SNX8: variants seen among roughly 807,000 people sequenced by gnomAD.
SNX8 encodes sorting nexin 8.
In SNX8, 25 loss-of-function variants were observed where a neutral mutation model predicts 51.6. The ratio of observed to expected loss-of-function variants is 0.48; its 90% CI spans 0.35 to 0.68. The LOEUF is 0.68. Among genes scored for constraint, SNX8 ranks in the 30% least tolerant of loss-of-function variants. The pLI, the probability that SNX8 is intolerant of heterozygous loss-of-function variation, is 0.00. For missense variants in SNX8, 695 were observed against 624.0 expected, an observed-to-expected ratio of 1.11 and a Z score of -1.21; for synonymous variants, 324 against 277.0, an observed-to-expected ratio of 1.17 and a Z score of -1.68.
chr7:2,323,537 A>T (rs1778572398), intron 1 of SNX8, among the ~76,000 whole-genome samples: 1 of 152,122 alleles, frequency 6.6e-6, no homozygotes, highest in South Asian at 2.1e-4. Context: ...CCAGGATCAC[A>T]GAGCGGCCAC....
chr7:2,321,316 T>C (rs1181162372), intron 1 of SNX8, among the ~76,000 whole-genome samples: 1 of 152,194 alleles, frequency 6.6e-6, no homozygotes, highest in East Asian at 1.9e-4. Flanking sequence ...ATCCCTCTAG[T>C]GTTTGGAGAG....
chr7:2,353,132 TAAAG>T (rs1289451727), intron 1 of SNX8, among the ~76,000 whole-genome samples: 1 of 152,000 alleles, frequency 6.6e-6, no homozygotes, highest in African/African-American at 2.4e-5. Flanking sequence ...TATCTACAAA[TAAAG>T]AAATTAGCTG....
intron 3 of SNX8, among the ~76,000 whole-genome samples, chr7:2,272,454 T>C (rs1289761150): frequency 6.7e-6 from 1 of 150,332 alleles, no homozygotes; most frequent in Non-Finnish European, 1.5e-5. Context: ...GGCTCACTGC[T>C]ACCTCCGCCT....
intron 4 of SNX8, among the ~76,000 whole-genome samples, chr7:2,270,915 G>C (rs561100062): frequency 1.3e-5 from 2 of 152,096 alleles, no homozygotes; most frequent in South Asian, 4.2e-4. Flanking sequence ...TATTCCAGTG[G>C]AGCCCCCGCC....
In SNX8 at chr7:2,314,418, T is replaced by A. The variant is rs1161676529; in HGVS notation, c.4A>T (p.Thr2Ser). 1 of 1,215,924 alleles carries A rather than the reference T, an allele frequency of 8.2e-7. No homozygotes were observed. The highest frequency in any genetic ancestry group is 1.6e-5 in the African/African-American group (1 of 63,742). The allele number at this position is 1,215,924 out of a possible 1,614,324, so 75.3% of individuals were successfully genotyped here. The change falls in exon 1 of 11, where the codon ACT becomes TCT. Residue 2 changes from threonine to serine, a missense_variant. Physicochemically the swap from Thr to Ser is moderately conservative, Grantham distance 58. Transcript: ENST00000222990. M[T>S]GRAMDPLPAA... is the part of the protein sequence containing the mutation. ...GGCAGCGGGTCCATCGCGCGGCCAG[T>A]CATGTGAGCCCGCGCTCCCACGTGA...
chr7:2,339,436 C>T (rs1041028660), intron 1 of SNX8, among the ~76,000 whole-genome samples: 3 of 151,204 alleles, frequency 2.0e-5, no homozygotes, highest in Admixed American at 6.6e-5. Context: ...GTCTCGATCT[C>T]CTGACCTCAT....
intron 7 of SNX8, among the ~76,000 whole-genome samples, chr7:2,261,091 T>C (rs1267494059): frequency 6.6e-6 from 1 of 152,196 alleles, no homozygotes; most frequent in Non-Finnish European, 1.5e-5. Flanking sequence ...AGAATGGCTT[T>C]TATGCTTTGC....
intron 1 of SNX8, among the ~76,000 whole-genome samples, chr7:2,346,270 T>C (rs1378436221): frequency 1.5e-5 from 1 of 68,218 alleles, no homozygotes; most frequent in African/African-American, 6.1e-5. Flanking sequence ...AGTGAGACCC[T>C]GGTCTCTACA....
At chr7:2,288,084 C>T (rs7784669) in intron 1 of SNX8, 3,125 of 152,076 alleles carry the variant, frequency 0.021, 116 homozygotes, top group African/African-American at 0.071. Flanking sequence ...GGCTCACGCC[C>T]GTAATCCCAA....
At chr7:2,292,643 C>A (rs1796179055) in intron 1 of SNX8, among the ~76,000 whole-genome samples, 1 of 152,056 alleles carries the variant, frequency 6.6e-6, no homozygotes, top group Non-Finnish European at 1.5e-5. Flanking sequence ...AATCTCCTGA[C>A]CTCATGATCC....
chr7:2,281,691 G>T (rs1019761380), intron 1 of SNX8, among the ~76,000 whole-genome samples: 1 of 152,170 alleles, frequency 6.6e-6, no homozygotes, highest in Non-Finnish European at 1.5e-5. Context: ...AGGGAGGCCA[G>T]CTTGGCCCCC....
intron 1 of SNX8, among the ~76,000 whole-genome samples, chr7:2,324,580 T>G (rs1472392793): frequency 2.6e-5 from 4 of 152,012 alleles, no homozygotes. Context: ...AGTGAGCCAC[T>G]GTGACTGACC....
intron 1 of SNX8, among the ~76,000 whole-genome samples, chr7:2,281,981 C>T (rs1415417068): frequency 6.6e-6 from 1 of 152,152 alleles, no homozygotes; most frequent in South Asian, 2.1e-4. Context: ...GCTTCAGACC[C>T]AACCCGGAAC....
rs1050811408 is a variant in SNX8 at position 2,311,885 on chromosome 7, C to T, written c.94+2443G>A. Among the ~76,000 whole-genome samples the T allele has an allele frequency of 2.7e-5, 4 of 150,522 alleles. No homozygotes were observed. In the South Asian group the frequency reaches 8.4e-4, roughly 32 times the overall value. On this transcript the variant is annotated intron_variant, in intron 1 of 10. Coordinates refer to ENST00000222990, the MANE Select transcript of SNX8 (RefSeq NM_013321.4). Reference sequence around the variant, plus strand: ...CCGGGAGGCAGAGCTTGCAGTGAGCCGAGATCACACCACTGCACTCCAGCC... The same window carrying T: ...CCGGGAGGCAGAGCTTGCAGTGAGCTGAGATCACACCACTGCACTCCAGCC...
At chr7:2,277,974 C>A in intron 2 of SNX8, 126 bp downstream of exon 2, 4 of 1,430,152 alleles carry the variant, frequency 2.8e-6, no homozygotes, top group Non-Finnish European at 3.7e-6. Flanking sequence ...CTGGATCTTG[C>A]CTGTAAGCCA....
intron 1 of SNX8, among the ~76,000 whole-genome samples, chr7:2,290,166 C>T (rs1477384353): frequency 6.6e-6 from 1 of 152,108 alleles, no homozygotes; most frequent in Non-Finnish European, 1.5e-5. Context: ...GCCCTCCAGC[C>T]TGGCGACAAG....
intron 5 of SNX8, among the ~76,000 whole-genome samples, chr7:2,267,495 G>T (rs112036245): frequency 2.4e-5 from 3 of 127,228 alleles, no homozygotes; most frequent in African/African-American, 8.2e-5. Flanking sequence ...ACTGGTTTTG[G>T]TGGAGACGGG....
At chr7:2,268,499 T>G (rs1431844662) in intron 5 of SNX8, among the ~76,000 whole-genome samples, 45 of 88,548 alleles carry the variant, frequency 5.1e-4, no homozygotes, top group African/African-American at 7.5e-4. Flanking sequence ...GGGAGGGAGG[T>G]GGGGGGTCAG....
At chr7:2,327,606 ACTGTGTTAG>A (rs1460085382) in intron 1 of SNX8, among the ~76,000 whole-genome samples, 1 of 151,976 alleles carries the variant, frequency 6.6e-6, no homozygotes, top group Non-Finnish European at 1.5e-5. Context: ...ATGGGGTTTC[ACTGTGTTAG>A]CCAGGATGGT....
Sources: allele counts gnomAD v4.1 joint callset (sites outside exome capture counted in the v4.1 genomes callset), GRCh38; gene constraint gnomAD v4.1.1; transcripts MANE v1.5; gene names NCBI Gene and HGNC (gene_info 2026-07-23, HGNC 2026-07-21).